The following P2RY14 variants were observed in gnomAD, a reference collection of about 807,000 sequenced individuals.
The protein encoded by P2RY14 is P2Y purinoceptor 14.
A neutral mutation model predicts 0.9 loss-of-function variants in P2RY14; 2 were observed. That is an observed-to-expected ratio of 2.16 (90% CI 0.88 to 6.79). The LOEUF (loss-of-function observed/expected upper bound fraction) is 6.79, where lower values mean the gene tolerates loss of function less well. Among genes scored for constraint, P2RY14 ranks in the 30% most tolerant of loss-of-function variants. The pLI, the probability that P2RY14 is intolerant of heterozygous loss-of-function variation, is 0.05. For missense variants in P2RY14, 378 were observed against 400.1 expected (o/e 0.94, Z 0.47); for synonymous variants, 158 against 147.2 (o/e 1.07, Z -0.53).
chr3:151,238,102 T>G (rs549083819), intron 1 of P2RY14, among the ~76,000 whole-genome samples: 3 of 152,182 alleles, frequency 2.0e-5, no homozygotes, highest in African/African-American at 7.2e-5. Flanking sequence ...TTAAAACTTT[T>G]CTGTCCTAAA....
intron 1 of P2RY14, among the ~76,000 whole-genome samples, chr3:151,227,083 A>G (rs1279946106): frequency 1.5e-4 from 23 of 152,194 alleles, no homozygotes; most frequent in Non-Finnish European, 2.9e-5. Context: ...ACTTGATCCT[A>G]ACTCCTGCTG....
At chr3:151,239,561 A>G (rs890051621) in intron 1 of P2RY14, among the ~76,000 whole-genome samples, 2 of 152,208 alleles carry the variant, frequency 1.3e-5, no homozygotes, top group Admixed American at 1.3e-4. Flanking sequence ...ATTTTTCATA[A>G]AAATGTTACT....
intron 1 of P2RY14, among the ~76,000 whole-genome samples, chr3:151,227,152 A>G (rs902710460): frequency 1.3e-5 from 2 of 152,230 alleles, no homozygotes; most frequent in Admixed American, 6.5e-5. Context: ...ACATGTGTTA[A>G]TGTAACTTAA....
chr3:151,249,664 T>TGGG (rs1736455507), intron 1 of P2RY14, among the ~76,000 whole-genome samples: 1 of 152,182 alleles, frequency 6.6e-6, no homozygotes, highest in Non-Finnish European at 1.5e-5. Context: ...CAGCCTTGAA[T>TGGG]GGGGGCTTTT....
At chr3:151,247,595 C>T (rs1205984704) in intron 1 of P2RY14, among the ~76,000 whole-genome samples, 2 of 119,190 alleles carry the variant, frequency 1.7e-5, no homozygotes, top group Non-Finnish European at 3.6e-5. Context: ...GGGAATATCA[C>T]ACTCCGGGGA....
chr3:151,258,946 C>T (rs1213022988), intron 1 of P2RY14, among the ~76,000 whole-genome samples: 2 of 152,034 alleles, frequency 1.3e-5, no homozygotes, highest in East Asian at 3.9e-4. Flanking sequence ...GTGCTGTTAG[C>T]CTCTGCAGGC....
chr3:151,235,975 G>A (rs1289320309), intron 1 of P2RY14, among the ~76,000 whole-genome samples: 1 of 151,966 alleles, frequency 6.6e-6, no homozygotes, highest in Non-Finnish European at 1.5e-5. Context: ...AGTAATTGTG[G>A]TTTTTGTGAT....
intron 1 of P2RY14, among the ~76,000 whole-genome samples, chr3:151,250,716 C>G (rs1379261722): frequency 6.6e-6 from 1 of 152,172 alleles, no homozygotes; most frequent in Non-Finnish European, 1.5e-5. Flanking sequence ...GTGAACAATG[C>G]TGCTATGAAA....
At chr3:151,245,334 C>T (rs1193555700) in intron 1 of P2RY14, among the ~76,000 whole-genome samples, 1 of 151,552 alleles carries the variant, frequency 6.6e-6, no homozygotes, top group Non-Finnish European at 1.5e-5. Context: ...AATTTTAGAC[C>T]AATATCCTTG....
At chr3:151,264,533 C>A (rs1739474831) in intron 1 of P2RY14, among the ~76,000 whole-genome samples, 1 of 152,156 alleles carries the variant, frequency 6.6e-6, no homozygotes, top group African/African-American at 2.4e-5. Context: ...TAACCATAAC[C>A]CAGTATGGAG....
chr3:151,275,890 C>A (rs886698076), intron 1 of P2RY14, among the ~76,000 whole-genome samples: 9 of 152,080 alleles, frequency 5.9e-5, no homozygotes, highest in African/African-American at 2.2e-4. Context: ...GGCAATGCAT[C>A]TTTTAGTATT....
At chr3:151,269,397 T>TCATACA (rs1553764472) in intron 1 of P2RY14, 1 of 144,512 alleles carries the variant, frequency 6.9e-6, no homozygotes, top group African/African-American at 2.9e-5. Flanking sequence ...TGAAACTCCA[T>TCATACA]CACACACACA....
At chr3:151,234,576 A>T (rs1422146596) in intron 1 of P2RY14, among the ~76,000 whole-genome samples, 1 of 152,218 alleles carries the variant, frequency 6.6e-6, no homozygotes, top group African/African-American at 2.4e-5. Flanking sequence ...TTTCTGATGA[A>T]TGACCAAAAA....
rs566893724 is a variant in P2RY14 at position 151,274,987 on chromosome 3, C to G, written c.-133+3300G>C. 2.0e-5 allele frequency among the ~76,000 whole-genome samples: 3 copies of G among 152,266 alleles called. No individual in the cohort carries two copies. The East Asian group carries it at 5.8e-4, about 29-fold the overall frequency. On this transcript the variant is annotated intron_variant, in intron 1 of 2. Transcript: ENST00000309170. ...GGATGGAAATGTTCTTAGATGAAACCTTGTGTGAGCTCTCCTACCAACCTT... is the reference window on the plus strand; with the variant it reads ...GGATGGAAATGTTCTTAGATGAAACGTTGTGTGAGCTCTCCTACCAACCTT...
chr3:151,264,477 A>G (rs1444571191), intron 1 of P2RY14, among the ~76,000 whole-genome samples: 1 of 152,202 alleles, frequency 6.6e-6, no homozygotes, highest in Non-Finnish European at 1.5e-5. Context: ...TTCAAACCTG[A>G]GCTTATTAGT....
intron 1 of P2RY14, among the ~76,000 whole-genome samples, chr3:151,271,821 A>C (rs1741005047): frequency 6.6e-6 from 1 of 152,210 alleles, no homozygotes; most frequent in South Asian, 2.1e-4. Flanking sequence ...ATACTGGTAG[A>C]ACTAAGCTCT....
In P2RY14 at chr3:151,213,253, A is replaced by G. The variant is rs199519635; in HGVS notation, c.*47T>C. On this transcript the variant is annotated 3_prime_UTR_variant, in exon 3 of 3. Transcript: ENST00000309170. ...TTATTGATTTCTGTTATGTAATTGA[A>G]GATGACAACATGCACACGTGGTCTT... 250 of 1,391,872 alleles carry G rather than the reference A, an allele frequency of 1.8e-4. No homozygotes were observed. The East Asian group carries it at 3.3e-3, about 19-fold the overall frequency. The allele number at this position is 1,391,872 out of a possible 1,614,324, so 86.2% of individuals were successfully genotyped here.
chr3:151,267,198 T>C (rs909893576), intron 1 of P2RY14, among the ~76,000 whole-genome samples: 1 of 152,202 alleles, frequency 6.6e-6, no homozygotes, highest in African/African-American at 2.4e-5. Context: ...ACAGTATTCC[T>C]TACTGGGAGA....
intron 1 of P2RY14, among the ~76,000 whole-genome samples, chr3:151,261,819 G>A (rs1364379639): frequency 6.6e-6 from 1 of 152,078 alleles, no homozygotes; most frequent in African/African-American, 2.4e-5. Context: ...CCACCTCCTG[G>A]GTTCAATACA....
Sources: gnomAD v4.1 joint callset for allele counts (sites outside exome capture counted in the v4.1 genomes callset) on GRCh38, gnomAD v4.1.1 for gene constraint, MANE v1.5 for transcripts, NCBI Gene and HGNC (gene_info 2026-07-23, HGNC 2026-07-21) for gene names.